WDR27: variants seen among roughly 807,000 people sequenced by gnomAD.
The protein encoded by WDR27 is WD repeat-containing protein 27.
A neutral mutation model predicts 114.4 loss-of-function variants in WDR27; 100 were observed. The observed-to-expected ratio is 0.87, with a 90% CI of 0.74 to 1.03. WDR27 has a LOEUF of 1.03. Ranked by LOEUF, WDR27 falls within the 50% of genes least tolerant of loss-of-function variation. WDR27 has a pLI of 0.00. For synonymous variants in WDR27, 449 were observed against 423.1 expected (o/e 1.06, Z -0.75); for missense variants, 1,129 against 1,092.9 (o/e 1.03, Z -0.47).
At chr6:169,547,206 C>T (rs2128099320) in intron 25 of WDR27, among the ~76,000 whole-genome samples, 1 of 152,116 alleles carries the variant, frequency 6.6e-6, no homozygotes, top group South Asian at 2.1e-4. Flanking sequence ...AATCACTAGG[C>T]CCAGATGGGT....
intron 23 of WDR27, among the ~76,000 whole-genome samples, chr6:169,596,863 G>A (rs1267477418): frequency 6.6e-6 from 1 of 152,028 alleles, no homozygotes; most frequent in Non-Finnish European, 1.5e-5. Flanking sequence ...CTGTTTTCTA[G>A]TCATTTCTAG....
chr6:169,555,893 A>C (rs1424359737), intron 25 of WDR27, among the ~76,000 whole-genome samples: 1 of 152,174 alleles, frequency 6.6e-6, no homozygotes, highest in Non-Finnish European at 1.5e-5. Flanking sequence ...TGTTTTTAAC[A>C]CGTGTTGCTG....
At chr6:169,644,459 G>C (rs1819996663) in intron 16 of WDR27, among the ~76,000 whole-genome samples, 1 of 151,208 alleles carries the variant, frequency 6.6e-6, no homozygotes, top group Non-Finnish European at 1.5e-5. Flanking sequence ...GTTCACAGGA[G>C]TCACACTGTA....
chr6:169,540,858 G>A (rs1796755122), intron 25 of WDR27, among the ~76,000 whole-genome samples: 1 of 152,104 alleles, frequency 6.6e-6, no homozygotes. Flanking sequence ...ACTCTCCTGG[G>A]TTAGATTAGT....
the WDR27 span, among the ~76,000 whole-genome samples, chr6:169,443,603 C>T: frequency 6.6e-6 from 1 of 152,288 alleles, no homozygotes; most frequent in Admixed American, 6.5e-5. Flanking sequence ...AATGGAAATA[C>T]TAGAGCTAAG....
At chr6:169,454,153 G>T (rs527251411), downstream of WDR27, among the ~76,000 whole-genome samples, 3 of 152,340 alleles carry the variant, frequency 2.0e-5, no homozygotes, top group South Asian at 6.2e-4. Flanking sequence ...AGAAATGAGA[G>T]AAATAAAAGA....
chr6:169,597,151 C>A (rs1398092343), intron 23 of WDR27, among the ~76,000 whole-genome samples: 1 of 152,120 alleles, frequency 6.6e-6, no homozygotes, highest in Non-Finnish European at 1.5e-5. Flanking sequence ...TCTCTACACT[C>A]TTAATTTCCA....
intron 2 of WDR27, among the ~76,000 whole-genome samples, chr6:169,686,472 G>C (rs4716378): frequency 0.16 from 25,049 of 152,006 alleles, 2,588 homozygotes; most frequent in East Asian, 0.29. Context: ...TAGACTGGCT[G>C]AATAAAAAGA....
At chr6:169,548,461 T>C (rs1286195329) in intron 25 of WDR27, among the ~76,000 whole-genome samples, 3 of 152,186 alleles carry the variant, frequency 2.0e-5, no homozygotes, top group African/African-American at 4.8e-5. Flanking sequence ...GTGACTGATA[T>C]GTGAATTACC....
intron 21 of WDR27, among the ~76,000 whole-genome samples, chr6:169,621,673 C>T (rs1398423507): frequency 2.0e-5 from 3 of 151,890 alleles, no homozygotes; most frequent in African/African-American, 7.3e-5. Context: ...CACGCATATA[C>T]ATACCCACAC....
At chr6:169,645,014 A>T (rs1820187488) in intron 16 of WDR27, among the ~76,000 whole-genome samples, 1 of 63,844 alleles carries the variant, frequency 1.6e-5, no homozygotes, top group Admixed American at 2.0e-4. Flanking sequence ...GTCTCAAAAA[A>T]AAAAAAAATA....
chr6:169,484,348 C>A (rs1788601562), intron 25 of WDR27, among the ~76,000 whole-genome samples: 1 of 152,122 alleles, frequency 6.6e-6, no homozygotes, highest in Admixed American at 6.6e-5. Context: ...AAAATCAACA[C>A]ACAAATATCA....
chr6:169,583,418 ATACT>A (rs72010507), intron 23 of WDR27, among the ~76,000 whole-genome samples: 71,337 of 148,946 alleles, frequency 0.48, 21,058 homozygotes, highest in Non-Finnish European at 0.67. Flanking sequence ...AGCAATTCAA[ATACT>A]TAGATTTTTT....
the WDR27 span, among the ~76,000 whole-genome samples, chr6:169,445,542 G>A: frequency 6.6e-6 from 1 of 150,954 alleles, no homozygotes; most frequent in African/African-American, 2.4e-5. Context: ...TGTGTAGATA[G>A]TGGCCGTCAC....
Position 169,672,270 on chromosome 6 carries a change from C to G in WDR27, c.316G>C (p.Glu106Gln), listed in dbSNP as rs1778944238. ...VIMWNLDECR[E>Q]KVLQGLVPRG... ...TTTCATTTACCTTGAAGTACTTTCT[C>G]TCTACATTCATCCAGGTTCCACATT... Residue 106 changes from glutamate to glutamine, a missense_variant, in exon 3 of 26, where the codon GAG (glutamate) becomes CAG (glutamine). Coordinates refer to ENST00000448612, the MANE Select transcript of WDR27 (RefSeq NM_182552.5). 1 of 1,612,508 alleles carries G rather than the reference C, an allele frequency of 6.2e-7. No homozygotes were observed. Among genetic ancestry groups the G allele is most frequent in the African/African-American group, 1.3e-5 (1 of 74,906 alleles).
intron 24 of WDR27, among the ~76,000 whole-genome samples, chr6:169,580,786 T>C (rs528735412): frequency 6.6e-6 from 1 of 152,062 alleles, no homozygotes; most frequent in South Asian, 2.1e-4. Flanking sequence ...GTTTGATTTA[T>C]AATGCTGGGA....
intron 25 of WDR27, among the ~76,000 whole-genome samples, chr6:169,503,822 C>G (rs1269038314): frequency 6.6e-6 from 1 of 151,608 alleles, no homozygotes; most frequent in East Asian, 1.9e-4. Context: ...CATGCCACTT[C>G]CATAAGATTT....
At chr6:169,671,921 G>T (rs1306209639) in intron 3 of WDR27, 1 of 173,998 alleles carries the variant, frequency 5.7e-6, no homozygotes, top group Non-Finnish European at 1.2e-5. Flanking sequence ...GCTGTGCAAG[G>T]AAAGAATATT....
At chr6:169,428,927 C>T in the WDR27 span, among the ~76,000 whole-genome samples, 1 of 152,172 alleles carries the variant, frequency 6.6e-6, no homozygotes, top group Non-Finnish European at 1.5e-5. Flanking sequence ...GTGCTCTCGG[C>T]AGCCACGGTT....
Sources: allele counts gnomAD v4.1 joint callset (sites outside exome capture counted in the v4.1 genomes callset), GRCh38; gene constraint gnomAD v4.1.1; transcripts MANE v1.5; gene names NCBI Gene and HGNC (gene_info 2026-07-23, HGNC 2026-07-21).